POT1: variants seen among roughly 807,000 people sequenced by gnomAD.
POT1 encodes protection of telomeres protein 1.
In POT1, 47 loss-of-function variants were observed where a neutral mutation model predicts 78.5. The observed-to-expected ratio is 0.60, with a 90% confidence interval of 0.47 to 0.76. The LOEUF is 0.76. Among genes scored for constraint, POT1 ranks in the 30% least tolerant of loss-of-function variants. The probability of loss-of-function intolerance (pLI) is 0.00; values close to 1 mark genes in which losing one functional copy is unlikely to be tolerated. For missense variants in POT1, 646 were observed against 749.9 expected (o/e 0.86, Z 1.62); for synonymous variants, 259 against 260.7 (o/e 0.99, Z 0.06).
chr7:124,870,394 G>A (rs2116565733), intron 7 of POT1, among the ~76,000 whole-genome samples: 1 of 151,842 alleles, frequency 6.6e-6, no homozygotes, highest in African/African-American at 2.4e-5. Flanking sequence ...TTTAACTACA[G>A]GCATAATTTT....
chr7:124,895,829 T>C (rs1319110029), intron 5 of POT1, among the ~76,000 whole-genome samples: 1 of 151,336 alleles, frequency 6.6e-6, no homozygotes, highest in East Asian at 1.9e-4. Context: ...ATGGCTGGAG[T>C]GTACTGGTCA....
chr7:124,928,430 A>C (rs1314021145), intron 2 of POT1, among the ~76,000 whole-genome samples: 2 of 152,218 alleles, frequency 1.3e-5, no homozygotes, highest in Non-Finnish European at 2.9e-5. Flanking sequence ...TTATCCCGTA[A>C]GTTCCAGCTC....
At chr7:124,827,142 A>G (rs1562973472) in intron 17 of POT1, 72 bp downstream of exon 17, 3 of 818,918 alleles carry the variant, frequency 3.7e-6, no homozygotes, top group Non-Finnish European at 5.2e-6. Flanking sequence ...CAAAGCAGGT[A>G]TGAATAAATG....
At chr7:124,855,911 G>A (rs1795436175) in intron 9 of POT1, among the ~76,000 whole-genome samples, 1 of 151,944 alleles carries the variant, frequency 6.6e-6, no homozygotes, top group Non-Finnish European at 1.5e-5. Flanking sequence ...ATAAGAGTAG[G>A]GATTTAGAAA....
intron 9 of POT1, 87 bp from the exon 10 acceptor site, chr7:124,853,225 C>A: frequency 1.0e-6 from 1 of 982,332 alleles, no homozygotes. Context: ...AATATGGGGC[C>A]AATGAGGGCA....
In POT1 at chr7:124,849,229, T is replaced by C. The variant is rs532905610; in HGVS notation, c.950-2231A>G. On this transcript the variant is annotated intron_variant, in intron 11 of 18. Transcript: ENST00000357628. The stretch of plus-strand genomic sequence containing the variant: ...TAATATTGGCCATTACAACATGAGA[T>C]GGAAATAATGGCAGAAACCATAAAA... 2.6e-5 allele frequency among the ~76,000 whole-genome samples: 4 copies of C among 152,162 alleles called. No individual in the cohort carries two copies. In the East Asian group the frequency reaches 5.8e-4, roughly 22 times the overall value.
chr7:124,909,893 A>G (rs1158900117), intron 3 of POT1, among the ~76,000 whole-genome samples: 1 of 151,968 alleles, frequency 6.6e-6, no homozygotes, highest in Non-Finnish European at 1.5e-5. Context: ...AAATATATTT[A>G]AAATATAAAC....
chr7:124,896,991 C>G (rs1338220596), intron 5 of POT1, among the ~76,000 whole-genome samples, 174 bp downstream of exon 5: 1 of 151,648 alleles, frequency 6.6e-6, no homozygotes, highest in Non-Finnish European at 1.5e-5. Flanking sequence ...AAATATATAA[C>G]TCTAATATAA....
intron 6 of POT1, among the ~76,000 whole-genome samples, chr7:124,874,321 C>T (rs906094911): frequency 1.3e-5 from 2 of 152,132 alleles, no homozygotes; most frequent in African/African-American, 4.8e-5. Flanking sequence ...TATCAAGTTT[C>T]CCACTCAAGG....
At chr7:124,901,298 G>C (rs1796612940) in intron 3 of POT1, among the ~76,000 whole-genome samples, 1 of 152,162 alleles carries the variant, frequency 6.6e-6, no homozygotes. Context: ...CTGAGACGAA[G>C]GTTCCAGAGG....
intron 3 of POT1, among the ~76,000 whole-genome samples, chr7:124,899,888 G>A (rs559994394): frequency 2.6e-5 from 4 of 152,142 alleles, no homozygotes; most frequent in African/African-American, 7.2e-5. Flanking sequence ...AAAAGACTGA[G>A]TATGTATGCA....
intron 6 of POT1, among the ~76,000 whole-genome samples, chr7:124,879,684 A>C (rs1355216024): frequency 6.6e-6 from 1 of 152,158 alleles, no homozygotes; most frequent in Non-Finnish European, 1.5e-5. Context: ...AGCAAGATTA[A>C]AAAGTAAAGA....
At chr7:124,878,394 A>T (rs1411351167) in intron 6 of POT1, among the ~76,000 whole-genome samples, 7 of 152,044 alleles carry the variant, frequency 4.6e-5, no homozygotes, top group Non-Finnish European at 7.4e-5. Flanking sequence ...GTTCAACAGG[A>T]GGAATAAATT....
At chr7:124,913,438 T>C (rs986584763) in intron 3 of POT1, among the ~76,000 whole-genome samples, 16 of 152,234 alleles carry the variant, frequency 1.1e-4, no homozygotes, top group Non-Finnish European at 1.3e-4. Context: ...TCTTTTCATG[T>C]TCATGATAAT....
Position 124,829,326 on chromosome 7 carries a change from T to C in POT1, c.1522A>G (p.Ser508Gly). 1.3e-6 allele frequency: 2 copies of C among 1,578,168 alleles called. No homozygotes were observed. The highest frequency in any genetic ancestry group is 1.7e-6 in the Non-Finnish European group (2 of 1,148,498). ...IHHYGCKQCS[S>G]LRSIQNLNSL... ...TTTAGATTTTGTATGGATCTCAAAC[T>C]AGAACACTGTTTACATCTGAAATTT... Residue 508 changes from serine (S) to glycine (G), a missense_variant, in exon 16 of 19, where the codon AGT (serine) becomes GGT (glycine). This residue lies in a region of POT1 where 394 missense variants were observed against 408.4 expected (regional missense o/e 0.96). Coordinates refer to ENST00000357628, the MANE Select transcript of POT1 (RefSeq NM_015450.3).
At chr7:124,828,647 G>C (rs1296274896) in intron 16 of POT1, among the ~76,000 whole-genome samples, 10 of 152,096 alleles carry the variant, frequency 6.6e-5, no homozygotes, top group African/African-American at 2.2e-4. Context: ...TAAAAACAAA[G>C]ATATTACATT....
At chr7:124,842,681 C>A (rs1272719288) in intron 13 of POT1, 126 bp downstream of exon 13, 2 of 687,742 alleles carry the variant, frequency 2.9e-6, no homozygotes, top group East Asian at 3.6e-5. Flanking sequence ...AAAAAATTTA[C>A]CATTCTTGCA....
chr7:124,854,964 A>T (rs1678160823), intron 9 of POT1, among the ~76,000 whole-genome samples: 1 of 151,754 alleles, frequency 6.6e-6, no homozygotes, highest in Non-Finnish European at 1.5e-5. Context: ...ATTCACATAC[A>T]AAAGGCTTTG....
intron 7 of POT1, among the ~76,000 whole-genome samples, chr7:124,866,568 T>C (rs1190672762): frequency 6.6e-6 from 1 of 152,192 alleles, no homozygotes; most frequent in Non-Finnish European, 1.5e-5. Context: ...TCCCCTTCTG[T>C]ATAACTCCTT....
Sources: gnomAD v4.1 joint callset for allele counts (sites outside exome capture counted in the v4.1 genomes callset) on GRCh38, gnomAD v4.1.1 for gene constraint, gnomAD v4.1.1 regional missense constraint, MANE v1.5 for transcripts, NCBI Gene and HGNC (gene_info 2026-07-23, HGNC 2026-07-21) for gene names.